The following SELENBP1 variants were observed in gnomAD, a reference collection of about 807,000 sequenced individuals.
The protein encoded by SELENBP1 is selenium binding protein 1, also known as methanethiol oxidase.
Under a neutral mutation model 61.0 loss-of-function variants are expected in SELENBP1, and 71 were observed. The observed-to-expected ratio is 1.16, with a 90% CI of 0.96 to 1.42. The LOEUF (loss-of-function observed/expected upper bound fraction) is 1.42, where lower values mean the gene tolerates loss of function less well. Ranked by LOEUF, SELENBP1 falls within the 40% of genes most tolerant of loss-of-function variation. SELENBP1 has a pLI of 0.00. For synonymous variants in SELENBP1, 270 were observed against 238.9 expected (o/e 1.13, Z -1.20); for missense variants, 561 against 605.0 (o/e 0.93, Z 0.76).
chr1:151,365,695 G>C lies in SELENBP1; in HGVS notation c.923-11C>G, dbSNP rs186498127. 2.7e-4 allele frequency: 437 copies of C among 1,614,168 alleles called. 1 individual carries two copies. The highest frequency in any genetic ancestry group is 1.0e-3 in the Admixed American group (63 of 60,022). Reference sequence around the variant, plus strand: ...TGTCGGTGATCAGGCCTGTGGGCAGGGGGCGAGTAGAGCCTTTAAGGACTC... The same window carrying C: ...TGTCGGTGATCAGGCCTGTGGGCAGCGGGCGAGTAGAGCCTTTAAGGACTC... On this transcript the variant is annotated splice_polypyrimidine_tract_variant and intron_variant, in intron 8 of 11. Coordinates refer to ENST00000368868, the MANE Select transcript of SELENBP1 (RefSeq NM_003944.4).
chr1:151,365,738 A>G, intron 8 of SELENBP1, 30 bp downstream of exon 8: 2 of 1,614,012 alleles, frequency 1.2e-6, no homozygotes, highest in Non-Finnish European at 1.7e-6. Context: ...CCAGGCCAAG[A>G]ATCAACTTTC....
chr1:151,371,559 G>A (rs1652140224), intron 1 of SELENBP1, among the ~76,000 whole-genome samples: 1 of 152,098 alleles, frequency 6.6e-6, no homozygotes, highest in African/African-American at 2.4e-5. Context: ...CAGGAGTTAA[G>A]GAGACTGGTT....
intron 4 of SELENBP1, among the ~76,000 whole-genome samples, chr1:151,368,790 C>G (rs1358396010): frequency 2.6e-5 from 4 of 152,222 alleles, no homozygotes; most frequent in East Asian, 1.9e-4. Context: ...AGCCTTGTCC[C>G]TCTTCTCCCA....
At chr1:151,367,070 G>A in intron 5 of SELENBP1, 166 bp from the exon 6 acceptor site, 1 of 1,424,084 alleles carries the variant, frequency 7.0e-7, no homozygotes, top group Non-Finnish European at 9.2e-7. Context: ...GCTGGGGGAA[G>A]AGTGGCTCAT....
intron 5 of SELENBP1, among the ~76,000 whole-genome samples, chr1:151,367,689 C>A (rs1651926038): frequency 6.6e-6 from 1 of 152,216 alleles, no homozygotes; most frequent in African/African-American, 2.4e-5. Context: ...GTGGTTCAAT[C>A]ACAGCTCATT....
At chr1:151,367,344 C>CAAAAA (rs201432379) in intron 5 of SELENBP1, 1 of 12,134 alleles carries the variant, frequency 8.2e-5, no homozygotes, top group Admixed American at 7.7e-4. Context: ...ACTCCCATCT[C>CAAAAA]AAAAAAAAAA....
intron 2 of SELENBP1, 30 bp from the exon 3 acceptor site, chr1:151,369,584 G>A (rs1230848868): frequency 6.3e-6 from 10 of 1,578,344 alleles, no homozygotes; most frequent in South Asian, 3.5e-5. Context: ...CAGCAGGGAC[G>A]GCAGGGTGGG....
intron 5 of SELENBP1, 26 bp downstream of exon 5, chr1:151,368,173 C>G: frequency 6.2e-7 from 1 of 1,603,674 alleles, no homozygotes; most frequent in Admixed American, 1.7e-5. Flanking sequence ...TGGAAGTTTT[C>G]ATGAGCACAC....
intron 8 of SELENBP1, 24 bp from the exon 9 acceptor site, chr1:151,365,708 C>A (rs551024605): frequency 2.5e-6 from 4 of 1,613,992 alleles, no homozygotes; most frequent in Admixed American, 3.3e-5. Flanking sequence ...GCGAGTAGAG[C>A]CTTTAAGGAC....
In SELENBP1 at chr1:151,365,658, G is replaced by A. The variant is rs772322330; in HGVS notation, c.949C>T (p.Leu317=). ...CTGAAGTAGAGGAAGCGGTCGTCCA[G>A]GGAGAGCAGGATGTCGGTGATCAGG... ...PGLITDILLS[L]DDRFLYFSNW... is the part of the protein sequence containing the mutation. The change falls in exon 9 of 12, where the codon CTG becomes TTG. Residue 317 remains leucine, a synonymous_variant. Transcript: ENST00000368868. 3 of 1,614,204 alleles carry A rather than the reference G, an allele frequency of 1.9e-6. No individual in the cohort carries two copies. The highest frequency in any genetic ancestry group is 2.5e-6 in the Non-Finnish European group (3 of 1,180,026).
rs779311483 is a variant in SELENBP1 at position 151,365,019 on chromosome 1, T to C, written c.1163A>G (p.Gln388Arg). Residue 388 changes from glutamine to arginine, a missense_variant, in exon 11 of 12, where the codon CAG (glutamine) becomes CGG (arginine). Gln to Arg is a conservative substitution (Grantham distance 43, BLOSUM62 1). Coordinates refer to ENST00000368868, the MANE Select transcript of SELENBP1 (RefSeq NM_003944.4). ...VKGKRVAGGP[Q>R]MIQLSLDGKR... ...CCCATCCAGGCTGAGCTGGATCATC[T>C]GAGGGCCTCCAGCCACCCGTTTTCC... is the stretch of plus-strand genomic sequence containing the variant. The C allele has an allele frequency of 1.1e-4, 182 of 1,610,824 alleles. 3 individuals carry two copies. In the South Asian group the frequency reaches 2.0e-3, roughly 18 times the overall value.
chr1:151,369,526 G>C lies in SELENBP1; in HGVS notation c.90C>G (p.Pro30=). Residue 30 remains proline (P), a synonymous_variant, in exon 3 of 12, where the codon CCC becomes CCG. Transcript: ENST00000368868. ...KGPREEIVYL[P]CIYRNTGTEA... is the part of the protein sequence containing the mutation. The stretch of plus-strand genomic sequence containing the variant: ...CAGTGCCTGTGTTTCGGTAAATGCA[G>C]GGCAGGTAGACGATCTCTTCCCTGG... The C allele has an allele frequency of 6.2e-7, 1 of 1,610,736 alleles. No homozygotes were observed. The highest frequency in any genetic ancestry group is 8.5e-7 in the Non-Finnish European group (1 of 1,178,742).
In SELENBP1 at chr1:151,366,425, C is replaced by T. The variant is rs1433323906; in HGVS notation, c.693G>A (p.Trp231Ter). Residue 231 changes from tryptophan to a stop codon, truncating the protein, a stop_gained, in exon 7 of 12, where the codon TGG becomes TGA. Transcript: ENST00000368868. LOFTEE classifies it high-confidence loss of function. ...GCACAATCTCATGGCGCTGCCAGTC[C>T]CATACATATAAGTGGCTCCCGTACA... ...AGLYGSHLYV[W>*]DWQRHEIVQT... 1 of 1,613,804 alleles carries T rather than the reference C, an allele frequency of 6.2e-7. No homozygotes were observed. The highest frequency in any genetic ancestry group is 1.3e-5 in the African/African-American group (1 of 74,926).
At chr1:151,368,446 T>G in intron 4 of SELENBP1, 127 bp from the exon 5 acceptor site, 1 of 1,297,934 alleles carries the variant, frequency 7.7e-7, no homozygotes, top group Non-Finnish European at 1.1e-6. Context: ...GACACAACTC[T>G]CCCTGTGGGA....
In SELENBP1 at chr1:151,365,355, TG is replaced by T. The variant is rs906608364; in HGVS notation, c.1045-75del. 2.6e-6 allele frequency: 4 copies of T among 1,515,582 alleles called. No homozygotes were observed. The African/African-American group carries it at 5.5e-5, about 21-fold the overall frequency. 93.9% of individuals were successfully genotyped at this position (1,515,582 alleles called of 1,614,324 possible). A position where few individuals can be genotyped will look rare whatever the true frequency, so the allele number is the denominator to read the frequency against. On this transcript the variant is annotated intron_variant, in intron 9 of 11. Transcript: ENST00000368868. ...AACATTGCAGGAAGAGCAGCTTGCC[TG>T]GCTGGAACCCCTCTCTCCTTTCAGA...
chr1:151,368,781 G>A (rs1337729504), intron 4 of SELENBP1, among the ~76,000 whole-genome samples: 6 of 152,226 alleles, frequency 3.9e-5, no homozygotes, highest in Non-Finnish European at 8.8e-5. Flanking sequence ...AAAACAAGAA[G>A]CCTTGTCCCT....
chr1:151,364,737 G>A, intron 11 of SELENBP1, 32 bp from the exon 12 acceptor site: 2 of 1,546,086 alleles, frequency 1.3e-6, no homozygotes, highest in Non-Finnish European at 8.7e-7. Flanking sequence ...TAAGGGAGAG[G>A]TCAGAGGTGG....
chr1:151,365,461 A>C (rs1571279179), intron 9 of SELENBP1, 102 bp downstream of exon 9: 1 of 1,545,016 alleles, frequency 6.5e-7, no homozygotes, highest in Non-Finnish European at 8.8e-7. Context: ...CTTTTCCTGC[A>C]CCTCCCTCAA....
chr1:151,368,395 CT>C, intron 4 of SELENBP1, 76 bp from the exon 5 acceptor site: 1 of 1,557,330 alleles, frequency 6.4e-7, no homozygotes, highest in Middle Eastern at 1.7e-4. Context: ...ACTTCCCCTA[CT>C]TCTATCTGCT....
Sources: gnomAD v4.1 joint callset for allele counts (sites outside exome capture counted in the v4.1 genomes callset) on GRCh38, gnomAD v4.1.1 for gene constraint, MANE v1.5 for transcripts, NCBI Gene and HGNC (gene_info 2026-07-23, HGNC 2026-07-21) for gene names.